The following LDHA variants were observed in gnomAD, a reference collection of about 807,000 sequenced individuals.
LDHA encodes the protein L-lactate dehydrogenase A chain.
A neutral mutation model predicts 36.3 loss-of-function variants in LDHA; 10 were observed. The observed-to-expected ratio is 0.28, with a 90% CI of 0.17 to 0.47. LDHA has a LOEUF of 0.47. Ranked by LOEUF, LDHA falls within the 20% of genes least tolerant of loss-of-function variation. LDHA has a pLI of 0.99. For synonymous variants in LDHA, 110 were observed against 136.7 expected (o/e 0.80, Z 1.36); for missense variants, 267 against 405.8 (o/e 0.66, Z 2.94).
intron 2 of LDHA, among the ~76,000 whole-genome samples, chr11:18,398,187 T>C (rs1359753429): frequency 6.6e-6 from 1 of 152,204 alleles, no homozygotes; most frequent in Admixed American, 6.5e-5. Flanking sequence ...CCACATCCAG[T>C]TGTATTAAAG....
Position 18,400,909 on chromosome 11 carries a change from G to T in LDHA, c.317G>T (p.Arg106Leu). Residue 106 changes from arginine (R) to leucine (L), a missense_variant, in exon 4 of 8, where the codon CGT becomes CTT. Coordinates refer to ENST00000422447, the MANE Select transcript of LDHA (RefSeq NM_005566.4). ...AGARQQEGES[R>L]LNLVQRNVNI... ...GCACGTCAGCAAGAGGGAGAAAGCCGTCTTAATTTGGTCCAGCGTAACGTG... is the reference window on the plus strand; with the variant it reads ...GCACGTCAGCAAGAGGGAGAAAGCCTTCTTAATTTGGTCCAGCGTAACGTG... 1 of 1,613,206 alleles carries T rather than the reference G, an allele frequency of 6.2e-7. No homozygotes were observed. Among genetic ancestry groups the T allele is most frequent in the African/African-American group, 1.3e-5 (1 of 74,962 alleles).
In LDHA at chr11:18,403,043, T is replaced by A. The variant is rs3758680; in HGVS notation, c.592+30T>A. ...GCATAAGTTATTTTCTTTTTGTTTT[T>A]GAAAAGATTATATAAAAAGTCGATG... On this transcript the variant is annotated intron_variant, in intron 5 of 7. Coordinates refer to ENST00000422447, the MANE Select transcript of LDHA (RefSeq NM_005566.4). The A allele has an allele frequency of 0.71, 1,130,290 of 1,595,374 alleles. 403,788 individuals carry two copies. Among genetic ancestry groups the A allele is most frequent in the South Asian group, 0.75 (67,760 of 90,564 alleles).
rs1241209209 is a variant in LDHA, at chr11:18,400,820, A to G, written c.245-17A>G. 1.1e-5 allele frequency: 17 copies of G among 1,609,834 alleles called. 1 individual carries two copies. The East Asian group carries it at 3.3e-4, about 32-fold the overall frequency. ...TTCTAAAGGCCTTAATCTGGTCATT[A>G]TTCCCCTTTTCTCTAGACTATAATG... On this transcript the variant is annotated splice_polypyrimidine_tract_variant and intron_variant, in intron 3 of 7. Transcript: ENST00000422447.
chr11:18,401,473 C>CTTTT (rs58157049), intron 4 of LDHA, among the ~76,000 whole-genome samples: 1,178 of 68,546 alleles, frequency 0.017, 183 homozygotes, highest in Middle Eastern at 0.032. Flanking sequence ...ATTTATTTTT[C>CTTTT]TTTTTTTTTT....
chr11:18,395,595 A>G (rs1387656380), intron 1 of LDHA, among the ~76,000 whole-genome samples: 1 of 152,142 alleles, frequency 6.6e-6, no homozygotes, highest in African/African-American at 2.4e-5. Flanking sequence ...TTGTAAGGAG[A>G]GACCCGGCTC....
At chr11:18,404,525 A>G (rs942217196) in intron 6 of LDHA, among the ~76,000 whole-genome samples, 1 of 152,098 alleles carries the variant, frequency 6.6e-6, no homozygotes, top group Non-Finnish European at 1.5e-5. Flanking sequence ...AAAATGAATC[A>G]TAGCCGGGCA....
At chr11:18,404,069 T>C (rs1866590135) in intron 6 of LDHA, among the ~76,000 whole-genome samples, 1 of 152,112 alleles carries the variant, frequency 6.6e-6, no homozygotes, top group Admixed American at 6.6e-5. Flanking sequence ...TACCTGGGAC[T>C]ACAGGCATAT....
intron 1 of LDHA, 169 bp downstream of exon 1, chr11:18,394,805 C>A (rs1291339421): frequency 3.5e-5 from 13 of 372,616 alleles, no homozygotes; most frequent in African/African-American, 6.3e-5. Flanking sequence ...GCCCACACAA[C>A]GCATGTGTTC....
intron 7 of LDHA, chr11:18,405,822 G>A: frequency 2.6e-6 from 1 of 388,284 alleles, no homozygotes; most frequent in Non-Finnish European, 4.7e-6. Flanking sequence ...GAGGTAGGTG[G>A]AAGACTATAA....
Position 18,403,930 on chromosome 11 carries a change from TTTTTG to T in LDHA, c.710+133_710+137del, listed in dbSNP as rs1358660908. ...TTTTTGTTAGAAAACTTGTGTGGTT[TTTTTG>T]TTTTGTTTTGTTTGAGACAGAATCT... On this transcript the variant is annotated intron_variant, in intron 6 of 7. Transcript: ENST00000422447. 6 of 730,720 alleles carry T rather than the reference TTTTTG, an allele frequency of 8.2e-6. No individual in the cohort carries two copies. The East Asian group carries it at 8.4e-5, about 10-fold the overall frequency. The allele number at this position is 730,720 out of a possible 1,614,324, so 45.3% of individuals were successfully genotyped here.
At position 18,407,593 on chromosome 11, in the gene LDHA, G is replaced by A. The variant is rs200982215; in HGVS notation, c.*312G>A. ...CCCTTGAGCCAGGTGGATGTTTACC[G>A]TGTGTTATATAACTTCCTGGCTCCT... On this transcript the variant is annotated 3_prime_UTR_variant, in exon 8 of 8. Transcript: ENST00000422447. 2.5e-5 allele frequency: 17 copies of A among 671,188 alleles called. No individual in the cohort carries two copies. The highest frequency in any genetic ancestry group is 3.5e-5 in the African/African-American group (2 of 56,714). 41.6% of individuals were successfully genotyped at this position (671,188 alleles called of 1,614,324 possible). A position where few individuals can be genotyped will look rare whatever the true frequency, so the allele number is the denominator to read the frequency against.
At chr11:18,399,201 A>C (rs780279198) in intron 2 of LDHA, 23 of 498,168 alleles carry the variant, frequency 4.6e-5, no homozygotes, top group Non-Finnish European at 7.6e-5. Context: ...ACTCCTATAG[A>C]GCTCGCTTCA....
intron 7 of LDHA, 142 bp downstream of exon 7, chr11:18,405,714 A>G: frequency 3.3e-6 from 3 of 904,404 alleles, no homozygotes; most frequent in Non-Finnish European, 5.3e-6. Context: ...ACCTTTTTTG[A>G]AAGAAATGGT....
intron 6 of LDHA, 99 bp from the exon 7 acceptor site, chr11:18,405,350 C>G (rs1391602795): frequency 1.7e-6 from 2 of 1,181,420 alleles, no homozygotes; most frequent in African/African-American, 1.5e-5. Context: ...AACATTGTGG[C>G]ATTATTTACT....
At chr11:18,400,487 T>A in intron 3 of LDHA, 1 of 347,484 alleles carries the variant, frequency 2.9e-6, no homozygotes, top group Non-Finnish European at 5.6e-6. Flanking sequence ...ACACACGAAA[T>A]TGCCTGTTCC....
chr11:18,396,494 C>CA (rs1866308206), intron 1 of LDHA: 1 of 949,738 alleles, frequency 1.1e-6, no homozygotes. Flanking sequence ...CGGAGTAGCT[C>CA]AGAGTGATCT....
chr11:18,397,216 A>ACTG, intron 2 of LDHA: 2 of 336,526 alleles, frequency 5.9e-6, no homozygotes, highest in South Asian at 8.7e-5. Context: ...CTGTATTAAC[A>ACTG]TGCATGGATT....
At chr11:18,404,419 A>C (rs979812860) in intron 6 of LDHA, among the ~76,000 whole-genome samples, 2 of 151,730 alleles carry the variant, frequency 1.3e-5, no homozygotes, top group Non-Finnish European at 2.9e-5. Context: ...AGCCTGTCTC[A>C]AAGGAAAAAA....
chr11:18,399,243 G>A, intron 2 of LDHA, 188 bp from the exon 3 acceptor site: 1 of 574,518 alleles, frequency 1.7e-6, no homozygotes, highest in Non-Finnish European at 3.1e-6. Context: ...GAGGGTCAGT[G>A]CTATCTATGT....
Sources: gnomAD v4.1 joint callset for allele counts (sites outside exome capture counted in the v4.1 genomes callset) on GRCh38, gnomAD v4.1.1 for gene constraint, MANE v1.5 for transcripts, NCBI Gene and HGNC (gene_info 2026-07-23, HGNC 2026-07-21) for gene names.